The following UGGT2 variants were observed in gnomAD, a reference collection of about 807,000 sequenced individuals.
UGGT2 encodes UDP-glucose:glycoprotein glucosyltransferase 2.
UGGT2 carries 180 observed loss-of-function variants against 192.1 expected under a neutral mutation model. The ratio of observed to expected loss-of-function variants is 0.94; its 90% CI spans 0.83 to 1.06. The LOEUF is 1.06. Among genes scored for constraint, UGGT2 ranks in the 50% least tolerant of loss-of-function variants. UGGT2 has a pLI of 0.00. For synonymous variants in UGGT2, 580 were observed against 591.0 expected (o/e 0.98, Z 0.27); for missense variants, 1,849 against 1,795.7 (o/e 1.03, Z -0.54).
At chr13:96,019,470 T>C (rs1454150277) in intron 4 of UGGT2, among the ~76,000 whole-genome samples, 2 of 152,206 alleles carry the variant, frequency 1.3e-5, no homozygotes, top group East Asian at 1.9e-4. Context: ...CACTCACTTA[T>C]CCCTCAAAGT....
chr13:95,948,073 A>G lies in UGGT2; in HGVS notation c.1464T>C (p.Phe488=). Reference sequence around the variant, plus strand: ...AGGTATATTCTTGGGCCGGATCAATAAACAGAACCTAAAAGAAAGATAGTA... The same window carrying G: ...AGGTATATTCTTGGGCCGGATCAATGAACAGAACCTAAAAGAAAGATAGTA... The part of the protein sequence containing the change: ...IRRNFHNLVL[F]IDPAQEYTLD... Residue 488 remains phenylalanine, a synonymous_variant, in exon 14 of 39, where the codon TTT becomes TTC. Transcript: ENST00000376747. The G allele has an allele frequency of 6.2e-7, 1 of 1,612,352 alleles. No individual in the cohort carries two copies. The highest frequency in any genetic ancestry group is 8.5e-7 in the Non-Finnish European group (1 of 1,179,054).
intron 38 of UGGT2, among the ~76,000 whole-genome samples, chr13:95,807,388 C>A (rs919291697): frequency 6.6e-6 from 1 of 152,088 alleles, no homozygotes; most frequent in Non-Finnish European, 1.5e-5. Context: ...TGTAACTTCA[C>A]AGAAATACCT....
chr13:95,840,571 G>A (rs1353613159), intron 36 of UGGT2, among the ~76,000 whole-genome samples: 2 of 152,158 alleles, frequency 1.3e-5, no homozygotes, highest in East Asian at 3.8e-4. Flanking sequence ...GCAAGGATGT[G>A]GAGTAATAGG....
At chr13:95,989,305 C>A (rs2140893652) in intron 8 of UGGT2, among the ~76,000 whole-genome samples, 1 of 151,966 alleles carries the variant, frequency 6.6e-6, no homozygotes, top group Non-Finnish European at 1.5e-5. Flanking sequence ...GCTTATTTAA[C>A]AAAAGAGCTT....
chr13:96,029,153 A>G (rs1374164932), intron 2 of UGGT2, among the ~76,000 whole-genome samples: 1 of 152,222 alleles, frequency 6.6e-6, no homozygotes, highest in African/African-American at 2.4e-5. Context: ...ACCGTCTCAA[A>G]AAAAAATCTC....
In UGGT2 at chr13:95,979,548, C is replaced by CAAAAAAAAAAAAAAAAA. The variant is rs57487353; in HGVS notation, c.1092+4255_1092+4256insTTTTTTTTTTTTTTTTT. Among the ~76,000 whole-genome samples the CAAAAAAAAAAAAAAAAA allele has an allele frequency of 3.7e-4, 37 of 98,786 alleles. 1 individual carries two copies. The highest frequency in any genetic ancestry group is 1.2e-3 in the African/African-American group (34 of 27,634). The allele number at this position is 98,786 out of a possible 152,430, so 64.8% of individuals were successfully genotyped here. On this transcript the variant is annotated intron_variant, in intron 10 of 38. Coordinates refer to ENST00000376747, the MANE Select transcript of UGGT2 (RefSeq NM_020121.4). The stretch of plus-strand genomic sequence containing the variant: ...TTCTCATTTCCCCTGGTCTCTTACG[C>CAAAAAAAAAAAAAAAAA]AAAAAAAAAAAAAATACAGACTTGC...
At position 95,880,173 on chromosome 13, in the gene UGGT2, T is replaced by C. The variant is rs573494519; in HGVS notation, c.3229-2317A>G. On this transcript the variant is annotated intron_variant, in intron 27 of 38. Coordinates refer to ENST00000376747, the MANE Select transcript of UGGT2 (RefSeq NM_020121.4). ...GGCTGAATAGCTAAGTGTCTTCCTT[T>C]AAGAAAAGGCTAAGTTTAATTATAA... 2.6e-5 allele frequency among the ~76,000 whole-genome samples: 4 copies of C among 152,328 alleles called. No individual in the cohort carries two copies. The South Asian group carries it at 8.3e-4, about 32-fold the overall frequency.
intron 20 of UGGT2, among the ~76,000 whole-genome samples, chr13:95,916,232 T>C (rs1594318676): frequency 6.6e-6 from 1 of 152,160 alleles, no homozygotes; most frequent in African/African-American, 2.4e-5. Context: ...CAGCCTTCAC[T>C]GGTGATACCT....
At chr13:95,839,372 T>C (rs535061623) in intron 36 of UGGT2, among the ~76,000 whole-genome samples, 8 of 152,322 alleles carry the variant, frequency 5.3e-5, no homozygotes, top group African/African-American at 1.9e-4. Context: ...TCTGGACATA[T>C]CACATAAGTA....
intron 1 of UGGT2, among the ~76,000 whole-genome samples, chr13:96,049,761 C>A (rs145767958): frequency 0.15 from 22,472 of 152,068 alleles, 1,782 homozygotes; most frequent in Middle Eastern, 0.23. Context: ...ACCTAGGAAT[C>A]CAACTTACAA....
At chr13:95,888,044 T>C (rs1292039495) in intron 25 of UGGT2, 73 bp from the exon 26 acceptor site, 3 of 996,342 alleles carry the variant, frequency 3.0e-6, no homozygotes, top group Non-Finnish European at 4.4e-6. Flanking sequence ...ATTTACTATG[T>C]ACCAGGTACT....
chr13:95,965,780 A>G (rs1172863399), intron 12 of UGGT2, among the ~76,000 whole-genome samples: 1 of 152,162 alleles, frequency 6.6e-6, no homozygotes, highest in Non-Finnish European at 1.5e-5. Flanking sequence ...ACAGATGGCA[A>G]ACAAGTATAT....
At chr13:95,933,567 T>C (rs968275312) in intron 17 of UGGT2, among the ~76,000 whole-genome samples, 2 of 152,244 alleles carry the variant, frequency 1.3e-5, no homozygotes, top group Non-Finnish European at 2.9e-5. Flanking sequence ...AATTCTGCTC[T>C]GATTTTAGTT....
At chr13:95,817,734 G>A (rs1885057508) in intron 38 of UGGT2, among the ~76,000 whole-genome samples, 1 of 151,972 alleles carries the variant, frequency 6.6e-6, no homozygotes. Context: ...CTAAAAAATA[G>A]CAAAGATTAT....
At chr13:95,877,385 TA>T (rs757309018) in intron 28 of UGGT2, 21 bp from the exon 29 acceptor site, 4 of 1,576,190 alleles carry the variant, frequency 2.5e-6, no homozygotes, top group African/African-American at 1.4e-5. Flanking sequence ...GAGAAAAAAA[TA>T]ATCATTGAGT....
At chr13:95,940,831 A>C (rs1357839706) in intron 15 of UGGT2, among the ~76,000 whole-genome samples, 1 of 152,074 alleles carries the variant, frequency 6.6e-6, no homozygotes, top group Non-Finnish European at 1.5e-5. Context: ...GGGCTCAAGC[A>C]ATCTACCTGC....
rs1889276971 is a variant in UGGT2 at position 95,853,608 on chromosome 13, C to T, written c.4219G>A (p.Asp1407Asn). The part of the protein sequence containing the change: ...LKKFRRIGAG[D>N]RLRSQYQALS... ...GCTTGATACTGGCTCCTGAGCCTGT[C>T]ACCTGCTCCAATTCTCCTGAACTTC... Residue 1407 changes from aspartate to asparagine, a missense_variant, in exon 36 of 39, where the codon GAC becomes AAC. Transcript: ENST00000376747. 1 of 1,597,874 alleles carries T rather than the reference C, an allele frequency of 6.3e-7. No homozygotes were observed. Among genetic ancestry groups the T allele is most frequent in the Non-Finnish European group, 8.5e-7 (1 of 1,175,444 alleles).
chr13:95,821,758 G>A (rs1885539929), intron 38 of UGGT2, among the ~76,000 whole-genome samples: 1 of 152,076 alleles, frequency 6.6e-6, no homozygotes, highest in South Asian at 2.1e-4. Context: ...AAATGGGGAT[G>A]TGGTTTCATT....
chr13:96,009,879 A>T (rs957278485), intron 5 of UGGT2, among the ~76,000 whole-genome samples: 2 of 152,196 alleles, frequency 1.3e-5, no homozygotes, highest in African/African-American at 4.8e-5. Flanking sequence ...ATGGCCAAAA[A>T]GCATATAAAA....
Sources: gnomAD v4.1 joint callset for allele counts (sites outside exome capture counted in the v4.1 genomes callset) on GRCh38, gnomAD v4.1.1 for gene constraint, MANE v1.5 for transcripts, NCBI Gene and HGNC (gene_info 2026-07-23, HGNC 2026-07-21) for gene names.